Variants in SMC1B observed in about 807,000 individuals in gnomAD.
SMC1B encodes the protein structural maintenance of chromosomes 1B.
A neutral mutation model predicts 157.9 loss-of-function variants in SMC1B; 60 were observed. That is an observed-to-expected ratio of 0.38 (90% CI 0.31 to 0.47). SMC1B has a LOEUF of 0.47. SMC1B is among the 20% of genes least tolerant of loss of function. The probability of loss-of-function intolerance (pLI) is 0.99; values close to 1 mark genes in which losing one functional copy is unlikely to be tolerated. For missense variants in SMC1B, 1,165 were observed against 1,426.2 expected, an observed-to-expected ratio of 0.82 and a Z score of 2.95; for synonymous variants, 445 against 483.0, an observed-to-expected ratio of 0.92 and a Z score of 1.03.
At chr22:45,393,313 G>A (rs1465350621) in intron 9 of SMC1B, among the ~76,000 whole-genome samples, 1 of 152,176 alleles carries the variant, frequency 6.6e-6, no homozygotes, top group Non-Finnish European at 1.5e-5. Flanking sequence ...TTGAGGCTAT[G>A]TGTCTGGGTG....
In SMC1B at chr22:45,371,448, G is replaced by C. The variant is rs375834857; in HGVS notation, c.2313+23C>G. 8.4e-5 allele frequency: 132 copies of C among 1,563,998 alleles called. No homozygotes were observed. The African/African-American group carries it at 1.6e-3, about 18-fold the overall frequency. The stretch of plus-strand genomic sequence containing the variant: ...GGTCTAGAACTACATATACCATTTA[G>C]GAATAAATATAACATTCATGACCTT... On this transcript the variant is annotated intron_variant, in intron 14 of 24. Transcript: ENST00000357450.
chr22:45,413,481 G>C lies in SMC1B; in HGVS notation c.87C>G (p.Cys29Trp). The C allele has an allele frequency of 6.2e-7, 1 of 1,610,036 alleles. No individual in the cohort carries two copies. Among genetic ancestry groups the C allele is most frequent in the Non-Finnish European group, 8.5e-7 (1 of 1,178,246 alleles). ...TACCAGAGCCGTTGGGGCCGATGAT[G>C]CAGGTGAACCTCCGGAAGGGGCCAA... ...QVIGPFRRFT[C>W]IIGPNGSGKS... The change falls in exon 1 of 25, where the codon TGC becomes TGG. Residue 29 changes from cysteine to tryptophan, a missense_variant. Physicochemically the swap from Cys to Trp is radical, Grantham distance 215. Coordinates refer to ENST00000357450, the MANE Select transcript of SMC1B (RefSeq NM_148674.5).
At chr22:45,356,102 T>C (rs2086667512) in intron 19 of SMC1B, among the ~76,000 whole-genome samples, 1 of 152,144 alleles carries the variant, frequency 6.6e-6, no homozygotes, top group South Asian at 2.1e-4. Context: ...TAACAAAATA[T>C]ATTAACAGCA....
In SMC1B at chr22:45,402,180, G is replaced by A. The variant is rs540181241; in HGVS notation, c.854+153C>T. 6.6e-5 allele frequency among the ~76,000 whole-genome samples: 10 copies of A among 152,264 alleles called. No homozygotes were observed. In the East Asian group the frequency reaches 1.9e-3, roughly 29 times the overall value. On this transcript the variant is annotated intron_variant, in intron 5 of 24. Transcript: ENST00000357450. ...TTACAGGCATGAGCCACCACACCTGGCCTATACTATCTTTATAATTTTTCT... is the reference window on the plus strand; with the variant it reads ...TTACAGGCATGAGCCACCACACCTGACCTATACTATCTTTATAATTTTTCT...
chr22:45,363,044 A>G lies in SMC1B; in HGVS notation c.2421-18T>C, dbSNP rs755827779. ...ATTCTAATCTAGTATAATAAAGTCA[A>G]GCATTACAAGTGTAAACAGAAAACT... On this transcript the variant is annotated intron_variant, in intron 15 of 24. Transcript: ENST00000357450. The G allele has an allele frequency of 3.3e-6, 5 of 1,533,320 alleles. No homozygotes were observed. In the Admixed American group the frequency reaches 1.1e-4, roughly 35 times the overall value. The allele number at this position is 1,533,320 out of a possible 1,614,324, so 95.0% of individuals were successfully genotyped here.
At position 45,386,853 on chromosome 22, in the gene SMC1B, G is replaced by A. The variant is rs1569189572; in HGVS notation, c.1911+14C>T. ...CAACTTATCCAAAGGTGTGATCCAAGCCTCTTTTCTTACTTTCTGTCTTTC... is the reference window on the plus strand; with the variant it reads ...CAACTTATCCAAAGGTGTGATCCAAACCTCTTTTCTTACTTTCTGTCTTTC... On this transcript the variant is annotated intron_variant, in intron 11 of 24. Transcript: ENST00000357450. 2 of 1,609,632 alleles carry A rather than the reference G, an allele frequency of 1.2e-6. No homozygotes were observed. Among genetic ancestry groups the A allele is most frequent in the Non-Finnish European group, 1.7e-6 (2 of 1,176,878 alleles).
intron 8 of SMC1B, among the ~76,000 whole-genome samples, 183 bp from the exon 9 acceptor site, chr22:45,394,024 T>C (rs2087092859): frequency 6.6e-6 from 1 of 152,130 alleles, no homozygotes. Flanking sequence ...TCATTCTTTG[T>C]TGATTTGAAA....
intron 1 of SMC1B, among the ~76,000 whole-genome samples, chr22:45,409,824 A>C (rs902612950): frequency 6.6e-6 from 1 of 152,184 alleles, no homozygotes; most frequent in African/African-American, 2.4e-5. Flanking sequence ...CAGTGCCTAA[A>C]CTATCTGTAC....
At chr22:45,366,895 C>A (rs1317331953) in intron 15 of SMC1B, among the ~76,000 whole-genome samples, 20 of 152,100 alleles carry the variant, frequency 1.3e-4, no homozygotes, top group Admixed American at 1.3e-3. Context: ...CTTACTGATT[C>A]TTTCCTCTGC....
At chr22:45,370,997 G>A (rs1471531620) in intron 14 of SMC1B, among the ~76,000 whole-genome samples, 2 of 152,152 alleles carry the variant, frequency 1.3e-5, no homozygotes, top group African/African-American at 2.4e-5. Context: ...GATACCCCAC[G>A]GTGGAATGGA....
chr22:45,407,945 T>C (rs947197617), intron 2 of SMC1B, among the ~76,000 whole-genome samples: 15 of 152,030 alleles, frequency 9.9e-5, no homozygotes, highest in Non-Finnish European at 1.6e-4. Context: ...AATGTATATA[T>C]ACACACACAC....
rs1416859490 is a variant in SMC1B, at chr22:45,362,830, T to C, written c.2562+55A>G. 2.0e-6 allele frequency: 3 copies of C among 1,470,568 alleles called. No homozygotes were observed. In the Admixed American group the frequency reaches 5.9e-5, roughly 29 times the overall value. The allele number at this position is 1,470,568 out of a possible 1,614,324, so 91.1% of individuals were successfully genotyped here. A position where few individuals can be genotyped will look rare whatever the true frequency, so the allele number is the denominator to read the frequency against. The stretch of plus-strand genomic sequence containing the variant: ...AGGAGCGCACAAAAGGTTTACCACA[T>C]GAAGGAAGTCATAATTTCAATGAAG... On this transcript the variant is annotated intron_variant, in intron 16 of 24. Transcript: ENST00000357450.
intron 20 of SMC1B, among the ~76,000 whole-genome samples, chr22:45,354,373 TGTATGTATGTAA>T (rs927022241): frequency 3.9e-5 from 6 of 151,934 alleles, no homozygotes; most frequent in African/African-American, 1.4e-4. Flanking sequence ...TATGTATGTA[TGTATGTATGTAA>T]GTATGTATGT....
intron 12 of SMC1B, among the ~76,000 whole-genome samples, chr22:45,379,553 T>C (rs2086915141): frequency 6.6e-6 from 1 of 152,108 alleles, no homozygotes; most frequent in Non-Finnish European, 1.5e-5. Context: ...ATACGGTCTT[T>C]AGAATATTCT....
intron 1 of SMC1B, among the ~76,000 whole-genome samples, chr22:45,410,652 G>T (rs956585034): frequency 6.6e-6 from 1 of 152,142 alleles, no homozygotes; most frequent in African/African-American, 2.4e-5. Context: ...GCAGTGAGCT[G>T]ATATTACACC....
At chr22:45,385,181 T>C (rs1373925392) in intron 11 of SMC1B, among the ~76,000 whole-genome samples, 1 of 152,164 alleles carries the variant, frequency 6.6e-6, no homozygotes, top group African/African-American at 2.4e-5. Context: ...TTTTTAAATA[T>C]GTAAAAACTG....
chr22:45,367,515 G>A (rs569269299), intron 15 of SMC1B, among the ~76,000 whole-genome samples: 45 of 152,196 alleles, frequency 3.0e-4, no homozygotes, highest in Non-Finnish European at 5.1e-4. Context: ...CTGCTGAACA[G>A]CCACTCTAAT....
At chr22:45,352,044 A>G (rs1011898755) in intron 22 of SMC1B, among the ~76,000 whole-genome samples, 11 of 152,246 alleles carry the variant, frequency 7.2e-5, no homozygotes, top group Middle Eastern at 3.4e-3. Flanking sequence ...TTTCTTTTCT[A>G]AAATGGAATA....
At chr22:45,380,199 G>A (rs1421831599) in intron 12 of SMC1B, among the ~76,000 whole-genome samples, 1 of 152,012 alleles carries the variant, frequency 6.6e-6, no homozygotes, top group Admixed American at 6.6e-5. Context: ...AGTCTGATAC[G>A]AGCCTTTTTT....
Sources: gnomAD v4.1 joint callset for allele counts (sites outside exome capture counted in the v4.1 genomes callset) on GRCh38, gnomAD v4.1.1 for gene constraint, MANE v1.5 for transcripts, NCBI Gene and HGNC (gene_info 2026-07-23, HGNC 2026-07-21) for gene names.